AQP4: variants seen among roughly 807,000 people sequenced by gnomAD.
AQP4 encodes aquaporin 4, also known as aquaporin-4.
In AQP4, 18 loss-of-function variants were observed where a neutral mutation model predicts 27.8. That is an observed-to-expected ratio of 0.65 (90% CI 0.45 to 0.96). The LOEUF (loss-of-function observed/expected upper bound fraction) is 0.96. AQP4 is among the 40% of genes least tolerant of loss of function. The pLI is 0.00. For missense variants in AQP4, 412 were observed against 408.2 expected (o/e 1.01, Z -0.08); for synonymous variants, 141 against 142.9 (o/e 0.99, Z 0.10).
intron 1 of AQP4, chr18:26,862,838 C>T (rs1200241361): frequency 5.1e-6 from 3 of 584,216 alleles, no homozygotes; most frequent in Non-Finnish European, 9.0e-6. Flanking sequence ...TCCAAACTGT[C>T]CCTAGAAAGG....
At position 26,857,304 on chromosome 18, in the gene AQP4, T is replaced by C. The variant is rs1282197132; in HGVS notation, c.694-815A>G. Reference sequence around the variant, plus strand: ...AAGTAGCAATTCCATAGGATTTCAATAAATGGAAATTATTATTATTATTAT... The same window carrying C: ...AAGTAGCAATTCCATAGGATTTCAACAAATGGAAATTATTATTATTATTAT... On this transcript the variant is annotated intron_variant, in intron 4 of 4. Transcript: ENST00000383168. Among the ~76,000 whole-genome samples the C allele has an allele frequency of 4.2e-5, 6 of 143,104 alleles. No homozygotes were observed. In the East Asian group the frequency reaches 8.3e-4, roughly 20 times the overall value. 93.9% of individuals were successfully genotyped at this position (143,104 alleles called of 152,430 possible). A position where few individuals can be genotyped will look rare whatever the true frequency, so the allele number is the denominator to read the frequency against.
In AQP4 at chr18:26,854,551, ACT is replaced by A. The variant is rs1568063333; in HGVS notation, c.*1658_*1659del. 6.6e-6 allele frequency: 1 copy of A among 152,294 alleles called. No individual in the cohort carries two copies. The highest frequency in any genetic ancestry group is 1.5e-5 in the Non-Finnish European group (1 of 68,000). The allele number at this position is 152,294 out of a possible 1,614,324, so 9.4% of individuals were successfully genotyped here. ...TCCCAGGCATAACACTGGTGTGACG[ACT>A]CTCTGGGAATCTCACACATCACTCT... On this transcript the variant is annotated 3_prime_UTR_variant, in exon 5 of 5. Transcript: ENST00000383168.
At chr18:26,859,208 C>T (rs1483346747) in intron 4 of AQP4, among the ~76,000 whole-genome samples, 1 of 152,112 alleles carries the variant, frequency 6.6e-6, no homozygotes, top group African/African-American at 2.4e-5. Context: ...ATATGTTGAA[C>T]TGAAAGTTGT....
intron 1 of AQP4, 107 bp from the exon 2 acceptor site, chr18:26,862,703 C>T: frequency 2.7e-6 from 4 of 1,481,008 alleles, no homozygotes; most frequent in Non-Finnish European, 3.7e-6. Context: ...CAGGGGCTGC[C>T]AGGCGTGATT....
At chr18:26,859,336 A>C (rs2054897802) in intron 4 of AQP4, among the ~76,000 whole-genome samples, 1 of 152,170 alleles carries the variant, frequency 6.6e-6, no homozygotes, top group African/African-American at 2.4e-5. Flanking sequence ...CCTGGCCAAC[A>C]TGGTGAAACC....
At position 26,854,813 on chromosome 18, in the gene AQP4, GCTAGA is replaced by G. The variant is rs2054813487; in HGVS notation, c.*1393_*1397del. 1 of 152,152 alleles carries G rather than the reference GCTAGA, an allele frequency of 6.6e-6. No individual in the cohort carries two copies. The highest frequency in any genetic ancestry group is 1.5e-5 in the Non-Finnish European group (1 of 68,024). The allele number at this position is 152,152 out of a possible 1,614,324, so 9.4% of individuals were successfully genotyped here. A position where few individuals can be genotyped will look rare whatever the true frequency, so the allele number is the denominator to read the frequency against. On this transcript the variant is annotated 3_prime_UTR_variant, in exon 5 of 5. Coordinates refer to ENST00000383168, the MANE Select transcript of AQP4 (RefSeq NM_001650.7). ...TTGCACTTCTTTGTCTAAGTTAACGGCTAGACTAGACAGTTAAGATGACAGAAACT... is the reference window on the plus strand; with the variant it reads ...TTGCACTTCTTTGTCTAAGTTAACGGCTAGACAGTTAAGATGACAGAAACT...
At chr18:26,862,839 C>A in intron 1 of AQP4, 3 of 578,504 alleles carry the variant, frequency 5.2e-6, no homozygotes, top group Non-Finnish European at 9.1e-6. Flanking sequence ...CCAAACTGTC[C>A]CTAGAAAGGA....
At position 26,855,844 on chromosome 18, in the gene AQP4, A is replaced by G. The variant is rs2054831290; in HGVS notation, c.*367T>C. 1 of 299,288 alleles carries G rather than the reference A, an allele frequency of 3.3e-6. No individual in the cohort carries two copies. 18.5% of individuals were successfully genotyped at this position (299,288 alleles called of 1,614,324 possible). The stretch of plus-strand genomic sequence containing the variant: ...AAATATTCAAATAAGAATTGACTAT[A>G]CCAATATTCCAGTAGAGAAGGAATA... On this transcript the variant is annotated 3_prime_UTR_variant, in exon 5 of 5. Transcript: ENST00000383168.
In AQP4 at chr18:26,865,434, G is replaced by A. The variant is rs965382214; in HGVS notation, c.32+224C>T. On this transcript the variant is annotated intron_variant, in intron 1 of 4. Transcript: ENST00000383168. Reference sequence around the variant, plus strand: ...AGGGTAATTTTCCTGGGCTTTTGCAGATCTGAAACATATGGAGGATTTGGC... The same window carrying A: ...AGGGTAATTTTCCTGGGCTTTTGCAAATCTGAAACATATGGAGGATTTGGC... 2.4e-5 allele frequency: 15 copies of A among 633,880 alleles called. No homozygotes were observed. The Admixed American group carries it at 3.3e-4, about 14-fold the overall frequency. The allele number at this position is 633,880 out of a possible 1,614,324, so 39.3% of individuals were successfully genotyped here.
At position 26,855,314 on chromosome 18, in the gene AQP4, A is replaced by T. The variant is rs919844995; in HGVS notation, c.*897T>A. 1.3e-5 allele frequency: 2 copies of T among 152,212 alleles called. No individual in the cohort carries two copies. The highest frequency in any genetic ancestry group is 4.8e-5 in the African/African-American group (2 of 41,440). 9.4% of individuals were successfully genotyped at this position (152,212 alleles called of 1,614,324 possible). On this transcript the variant is annotated 3_prime_UTR_variant, in exon 5 of 5. Transcript: ENST00000383168. ...CCCCAGTTTTGCCAATAAATTTTTT[A>T]AAAATAAGCAAAGTGGTAAAGGGGT...
intron 1 of AQP4, among the ~76,000 whole-genome samples, chr18:26,865,017 G>T (rs4800773): frequency 6.6e-6 from 1 of 151,332 alleles, no homozygotes; most frequent in Admixed American, 6.6e-5. Context: ...ACATAAACAT[G>T]CTCTTTAAGA....
Position 26,862,211 on chromosome 18 carries a change from T to G in AQP4, c.418A>C (p.Ser140Arg). The change falls in exon 2 of 5, where the codon AGT (serine) becomes CGT (arginine). Residue 140 changes from serine (S) to arginine (R), a missense_variant. Coordinates refer to ENST00000383168, the MANE Select transcript of AQP4 (RefSeq NM_001650.7). ...AGILYLVTPP[S>R]VVGGLGVTMV... ...GTGACTCCCAGGCCTCCCACCACACTGGGAGGTGTGACCAGATAGAGGATT... is the reference window on the plus strand; with the variant it reads ...GTGACTCCCAGGCCTCCCACCACACGGGGAGGTGTGACCAGATAGAGGATT... 1 of 1,614,166 alleles carries G rather than the reference T, an allele frequency of 6.2e-7. No homozygotes were observed. Among genetic ancestry groups the G allele is most frequent in the Non-Finnish European group, 8.5e-7 (1 of 1,180,036 alleles).
At chr18:26,860,540 G>T (rs906912511) in intron 4 of AQP4, among the ~76,000 whole-genome samples, 4 of 152,134 alleles carry the variant, frequency 2.6e-5, no homozygotes, top group African/African-American at 9.7e-5. Flanking sequence ...AAAAGGAAAA[G>T]ACTATTATTG....
chr18:26,864,804 G>A (rs573174962), intron 1 of AQP4, among the ~76,000 whole-genome samples: 2 of 151,870 alleles, frequency 1.3e-5, no homozygotes, highest in East Asian at 1.9e-4. Flanking sequence ...TTTCAGCCCC[G>A]CAGGAGACAC....
rs72557979 is a variant in AQP4 at position 26,855,907 on chromosome 18, C to G, written c.*304G>C. On this transcript the variant is annotated 3_prime_UTR_variant, in exon 5 of 5. Coordinates refer to ENST00000383168, the MANE Select transcript of AQP4 (RefSeq NM_001650.7). ...TGTCTTTGAGTTCTGTCAGGCAAGA[C>G]TTAACCAAATCTTGACACACGGTTA... 901 of 374,114 alleles carry G rather than the reference C, an allele frequency of 2.4e-3. 5 individuals carry two copies. Among genetic ancestry groups the G allele is most frequent in the African/African-American group, 0.017 (802 of 48,218 alleles). The allele number at this position is 374,114 out of a possible 1,614,324, so 23.2% of individuals were successfully genotyped here.
chr18:26,861,874 G>A (rs1315434272), intron 2 of AQP4: 1 of 430,308 alleles, frequency 2.3e-6, no homozygotes, highest in Non-Finnish European at 4.3e-6. Flanking sequence ...TAACTGTAAG[G>A]AAAATGCATT....
chr18:26,858,327 T>C (rs909073437), intron 4 of AQP4, among the ~76,000 whole-genome samples: 3 of 152,110 alleles, frequency 2.0e-5, no homozygotes, highest in African/African-American at 7.2e-5. Flanking sequence ...TGAAACACTG[T>C]TCCAAACACT....
chr18:26,860,437 A>G (rs1236838221), intron 4 of AQP4, among the ~76,000 whole-genome samples: 2 of 152,192 alleles, frequency 1.3e-5, no homozygotes, highest in African/African-American at 4.8e-5. Flanking sequence ...TCACTACACC[A>G]TGCTGACTTT....
In AQP4 at chr18:26,853,200, G is replaced by A; in HGVS notation, c.*3011C>T. The A allele has an allele frequency of 3.6e-6, 1 of 281,038 alleles. No homozygotes were observed. Among genetic ancestry groups the A allele is most frequent in the Non-Finnish European group, 6.6e-6 (1 of 152,230 alleles). 17.4% of individuals were successfully genotyped at this position (281,038 alleles called of 1,614,324 possible). A position where few individuals can be genotyped will look rare whatever the true frequency, so the allele number is the denominator to read the frequency against. On this transcript the variant is annotated 3_prime_UTR_variant, in exon 5 of 5. Coordinates refer to ENST00000383168, the MANE Select transcript of AQP4 (RefSeq NM_001650.7). ...GCACCTATGAGCTGCATTAGGAAAA[G>A]GCTCAGATAATAAAAAGATAGTATA...
Sources: allele counts gnomAD v4.1 joint callset (sites outside exome capture counted in the v4.1 genomes callset), GRCh38; gene constraint gnomAD v4.1.1; transcripts MANE v1.5; gene names NCBI Gene and HGNC (gene_info 2026-07-23, HGNC 2026-07-21).